Variants in NHSL1 observed in about 807,000 individuals in gnomAD.
NHSL1 encodes the protein NHS-like protein 1.
NHSL1 carries 48 observed loss-of-function variants against 95.0 expected under a neutral mutation model. The ratio of observed to expected loss-of-function variants is 0.51; its 90% CI spans 0.40 to 0.64. NHSL1 has a LOEUF of 0.64. Among genes scored for constraint, NHSL1 ranks in the 30% least tolerant of loss-of-function variants. The pLI, the probability that NHSL1 is intolerant of heterozygous loss-of-function variation, is 0.00. For synonymous variants in NHSL1, 783 were observed against 833.9 expected, an observed-to-expected ratio of 0.94 and a Z score of 1.05; for missense variants, 1,971 against 2,077.7, an observed-to-expected ratio of 0.95 and a Z score of 1.00.
chr6:138,469,337 G>A (rs1203071803), intron 3 of NHSL1, among the ~76,000 whole-genome samples: 1 of 152,202 alleles, frequency 6.6e-6, no homozygotes, highest in Non-Finnish European at 1.5e-5. Flanking sequence ...GGAAGCGGTA[G>A]AGAAAACATA....
intron 1 of NHSL1, among the ~76,000 whole-genome samples, chr6:138,627,361 G>A (rs1333455342): frequency 6.6e-6 from 1 of 152,126 alleles, no homozygotes; most frequent in Non-Finnish European, 1.5e-5. Flanking sequence ...GTTCCTGAAT[G>A]TATTCTTCTT....
intron 1 of NHSL1, among the ~76,000 whole-genome samples, chr6:138,685,135 C>G (rs959187455): frequency 2.0e-5 from 3 of 152,008 alleles, no homozygotes; most frequent in Admixed American, 6.6e-5. Context: ...ATTTGCTATT[C>G]TCGATTTTAA....
intron 2 of NHSL1, among the ~76,000 whole-genome samples, chr6:138,491,118 C>A (rs1299214644): frequency 1.3e-5 from 2 of 152,148 alleles, no homozygotes; most frequent in Non-Finnish European, 2.9e-5. Context: ...TGCGCTCACA[C>A]TTTTTAAATT....
chr6:138,487,426 G>A (rs1583285472), intron 2 of NHSL1, among the ~76,000 whole-genome samples: 1 of 152,142 alleles, frequency 6.6e-6, no homozygotes, highest in African/African-American at 2.4e-5. Context: ...AAGCATTGAC[G>A]ACATTCATCT....
chr6:138,534,564 A>C (rs1377579182), intron 1 of NHSL1, among the ~76,000 whole-genome samples: 1 of 152,174 alleles, frequency 6.6e-6, no homozygotes, highest in African/African-American at 2.4e-5. Flanking sequence ...ATAAAAACTA[A>C]CCTGCTCCAA....
At chr6:138,429,585 C>T (rs1319610048) in intron 7 of NHSL1, 126 bp downstream of exon 7, 1 of 815,180 alleles carries the variant, frequency 1.2e-6, no homozygotes, top group African/African-American at 1.8e-5. Flanking sequence ...AAAAAATCAA[C>T]AGTAAAGTTA....
intron 1 of NHSL1, among the ~76,000 whole-genome samples, chr6:138,521,605 C>T (rs1238766097): frequency 6.6e-6 from 1 of 152,148 alleles, no homozygotes; most frequent in African/African-American, 2.4e-5. Flanking sequence ...CTCTGTCACA[C>T]ATTTTAGGTT....
intron 1 of NHSL1, among the ~76,000 whole-genome samples, chr6:138,566,016 G>A (rs1485915335): frequency 6.6e-6 from 1 of 150,860 alleles, no homozygotes; most frequent in Non-Finnish European, 1.5e-5. Flanking sequence ...AAAACACCCT[G>A]AAATTACATG....
chr6:138,481,052 C>T (rs957903821), intron 2 of NHSL1, among the ~76,000 whole-genome samples: 1 of 152,118 alleles, frequency 6.6e-6, no homozygotes, highest in Non-Finnish European at 1.5e-5. Context: ...AGTTCTATCA[C>T]AAAACTTCAT....
intron 1 of NHSL1, among the ~76,000 whole-genome samples, chr6:138,518,465 C>T (rs1781543429): frequency 7.2e-6 from 1 of 139,464 alleles, no homozygotes. Context: ...GGTAGAACGT[C>T]CACAGGAATG....
At chr6:138,437,415 C>CAT (rs1776236889) in intron 5 of NHSL1, among the ~76,000 whole-genome samples, 1 of 17,640 alleles carries the variant, frequency 5.7e-5, no homozygotes, top group Admixed American at 5.2e-4. Context: ...CACACATATA[C>CAT]ACACACACAC....
At chr6:138,548,124 G>A (rs561815603), upstream of NHSL1, among the ~76,000 whole-genome samples, 1 of 152,210 alleles carries the variant, frequency 6.6e-6, no homozygotes, top group East Asian at 1.9e-4. Context: ...TGGGACTACA[G>A]GTGCCCGCCA....
intron 1 of NHSL1, chr6:138,691,752 GGATCACCGGAGA>G (rs1476503523): frequency 2.8e-6 from 1 of 354,500 alleles, no homozygotes; most frequent in East Asian, 7.4e-5. Flanking sequence ...GAAATGAAAT[GGATCACCGGAGA>G]GATCACTATA....
At chr6:138,425,248 T>C (rs113248545) in intron 7 of NHSL1, among the ~76,000 whole-genome samples, 24,066 of 152,016 alleles carry the variant, frequency 0.16, 3,365 homozygotes, top group African/African-American at 0.38. Context: ...CCTGCCACCA[T>C]GCCCAGCCCA....
chr6:138,685,405 C>T (rs534001854), intron 1 of NHSL1, among the ~76,000 whole-genome samples: 1 of 152,168 alleles, frequency 6.6e-6, no homozygotes, highest in African/African-American at 2.4e-5. Flanking sequence ...AATGACATTG[C>T]ACTTTTTAAA....
intron 1 of NHSL1, among the ~76,000 whole-genome samples, chr6:138,634,776 G>A (rs764716437): frequency 3.3e-5 from 5 of 151,348 alleles, no homozygotes; most frequent in Admixed American, 3.3e-4. Flanking sequence ...TCATACTCAA[G>A]GATAGACCAT....
intron 1 of NHSL1, among the ~76,000 whole-genome samples, chr6:138,506,042 C>T (rs1370811710): frequency 1.3e-5 from 2 of 152,164 alleles, no homozygotes; most frequent in Non-Finnish European, 2.9e-5. Flanking sequence ...TTTTCAGACT[C>T]ATTGAAACAT....
At chr6:138,666,500 G>A (rs143681050) in intron 1 of NHSL1, among the ~76,000 whole-genome samples, 1,790 of 151,096 alleles carry the variant, frequency 0.012, 24 homozygotes, top group African/African-American at 0.041. Context: ...GCTGGGGCAG[G>A]AGAATGACGT....
intron 1 of NHSL1, chr6:138,512,359 G>T (rs760289649): frequency 6.6e-6 from 3 of 453,686 alleles, no homozygotes; most frequent in South Asian, 4.7e-5. Context: ...AAATCCCAGA[G>T]CATCTATGGA....
Sources: allele counts gnomAD v4.1 joint callset (sites outside exome capture counted in the v4.1 genomes callset), GRCh38; gene constraint gnomAD v4.1.1; transcripts MANE v1.5; gene names NCBI Gene and HGNC (gene_info 2026-07-23, HGNC 2026-07-21).